USH2A: variants seen among roughly 807,000 people sequenced by gnomAD.
The protein encoded by USH2A is usherin.
Under a neutral mutation model 538.9 loss-of-function variants are expected in USH2A, and 443 were observed. The ratio of observed to expected loss-of-function variants is 0.82; its 90% CI spans 0.76 to 0.89. The LOEUF (loss-of-function observed/expected upper bound fraction) is 0.89, where lower values mean the gene tolerates loss of function less well. USH2A is among the 40% of genes least tolerant of loss of function. USH2A has a pLI of 0.00. For missense variants in USH2A, 6,633 were observed against 6,324.8 expected (o/e 1.05, Z -1.65); for synonymous variants, 2,413 against 2,273.5 (o/e 1.06, Z -1.75).
intron 9 of USH2A, 60 bp downstream of exon 9, chr1:216,321,823 T>C: frequency 7.0e-7 from 1 of 1,432,642 alleles, no homozygotes; most frequent in Non-Finnish European, 9.9e-7. Context: ...GTTCATAGAA[T>C]TTATAGTCAC....
chr1:216,127,221 C>G (rs766421294), intron 21 of USH2A, among the ~76,000 whole-genome samples: 1 of 152,174 alleles, frequency 6.6e-6, no homozygotes, highest in Non-Finnish European at 1.5e-5. Flanking sequence ...AAAATGTAAG[C>G]TATGCTCAAG....
intron 44 of USH2A, among the ~76,000 whole-genome samples, chr1:215,852,631 T>G (rs929890918): frequency 6.6e-6 from 1 of 152,092 alleles, no homozygotes; most frequent in East Asian, 1.9e-4. Flanking sequence ...GCTTGTAAAA[T>G]CAAAAGCAAG....
intron 3 of USH2A, among the ~76,000 whole-genome samples, chr1:216,383,423 C>T (rs1372170661): frequency 1.3e-5 from 2 of 152,088 alleles, no homozygotes; most frequent in East Asian, 1.9e-4. Flanking sequence ...ATCCTTTTAA[C>T]ATCATATAAA....
At chr1:216,023,486 A>C in intron 32 of USH2A, among the ~76,000 whole-genome samples, 2 of 150,370 alleles carry the variant, frequency 1.3e-5, no homozygotes, top group Non-Finnish European at 3.0e-5. Context: ...AAAAAAATCA[A>C]AAAACAAAAG....
At chr1:215,831,526 G>T (rs957363735) in intron 47 of USH2A, among the ~76,000 whole-genome samples, 9 of 151,982 alleles carry the variant, frequency 5.9e-5, no homozygotes, top group African/African-American at 9.7e-5. Context: ...GATCATAATA[G>T]AATTAAACTG....
At chr1:215,776,622 AG>A (rs1450415851) in intron 55 of USH2A, among the ~76,000 whole-genome samples, 3 of 152,172 alleles carry the variant, frequency 2.0e-5, no homozygotes, top group African/African-American at 7.2e-5. Context: ...TGTGTTGCTT[AG>A]GGAATGCCAA....
chr1:215,623,041 G>A lies in USH2A; in HGVS notation c.*2740C>T, dbSNP rs1055650167. The A allele has an allele frequency of 2.0e-5, 3 of 151,914 alleles. No homozygotes were observed. The highest frequency in any genetic ancestry group is 4.4e-5 in the Non-Finnish European group (3 of 67,984). 9.4% of individuals were successfully genotyped at this position (151,914 alleles called of 1,614,324 possible). On this transcript the variant is annotated 3_prime_UTR_variant, in exon 72 of 72. Transcript: ENST00000307340. The stretch of plus-strand genomic sequence containing the variant: ...CTTGGACTATGTTTTATTTACCGGT[G>A]TGTTCATGGATGCCAGCATGATTTT...
At chr1:215,781,908 C>T in intron 54 of USH2A, 134 bp downstream of exon 54, 1 of 1,158,070 alleles carries the variant, frequency 8.6e-7, no homozygotes, top group African/African-American at 1.5e-5. Flanking sequence ...TAACGTGACA[C>T]ATGAACACGC....
At chr1:215,702,787 T>C (rs1240591457) in intron 61 of USH2A, among the ~76,000 whole-genome samples, 1 of 151,948 alleles carries the variant, frequency 6.6e-6, no homozygotes, top group Non-Finnish European at 1.5e-5. Flanking sequence ...GAGTTTGTTA[T>C]TACCTTGCTT....
intron 11 of USH2A, among the ~76,000 whole-genome samples, chr1:216,285,542 G>T (rs1279935644): frequency 1.3e-5 from 2 of 152,330 alleles, no homozygotes; most frequent in South Asian, 2.1e-4. Flanking sequence ...GGAAATGTGG[G>T]GTCAGACCCC....
chr1:215,936,366 A>G (rs1666497685), intron 37 of USH2A, among the ~76,000 whole-genome samples: 1 of 152,104 alleles, frequency 6.6e-6, no homozygotes, highest in Admixed American at 6.6e-5. Context: ...GTAGCAAAGT[A>G]TAGTGCAAAG....
intron 32 of USH2A, among the ~76,000 whole-genome samples, chr1:216,031,319 A>AATGGTTT (rs1490966608): frequency 2.0e-5 from 3 of 152,126 alleles, no homozygotes; most frequent in Admixed American, 6.6e-5. Context: ...CAGCAAGGTT[A>AATGGTTT]ATGGAAATCT....
intron 15 of USH2A, among the ~76,000 whole-genome samples, chr1:216,214,843 G>A (rs1019950466): frequency 6.6e-6 from 1 of 151,950 alleles, no homozygotes; most frequent in East Asian, 1.9e-4. Flanking sequence ...ACAATAAGTG[G>A]CTAATTGTAT....
chr1:216,073,490 A>T (rs2031636413), intron 27 of USH2A, among the ~76,000 whole-genome samples, 190 bp from the exon 28 acceptor site: 1 of 152,216 alleles, frequency 6.6e-6, no homozygotes, highest in Admixed American at 6.5e-5. Context: ...GCAAAGAAAT[A>T]TAGTTCTGTT....
At chr1:215,866,925 C>T in intron 44 of USH2A, 82 bp downstream of exon 44, 1 of 1,581,302 alleles carries the variant, frequency 6.3e-7, no homozygotes, top group South Asian at 1.1e-5. Flanking sequence ...ATGATGTGTA[C>T]ATGGGGGAGG....
chr1:216,160,747 T>G (rs1252203146), intron 21 of USH2A, among the ~76,000 whole-genome samples: 1 of 152,190 alleles, frequency 6.6e-6, no homozygotes, highest in African/African-American at 2.4e-5. Context: ...ATGTCACATG[T>G]TTTATATACA....
At chr1:216,227,506 T>C (rs973525311) in intron 14 of USH2A, among the ~76,000 whole-genome samples, 32 of 151,890 alleles carry the variant, frequency 2.1e-4, no homozygotes, top group Admixed American at 3.3e-4. Flanking sequence ...TGAGTTAAAA[T>C]AAAGGGAGGA....
intron 58 of USH2A, among the ~76,000 whole-genome samples, chr1:215,747,344 C>T (rs886676627): frequency 6.6e-6 from 1 of 152,108 alleles, no homozygotes; most frequent in East Asian, 1.9e-4. Context: ...TAAAAAATAA[C>T]TTTATTTTTC....
intron 41 of USH2A, 30 bp downstream of exon 41, chr1:215,888,396 G>A: frequency 1.2e-6 from 2 of 1,611,246 alleles, no homozygotes; most frequent in Non-Finnish European, 1.7e-6. Context: ...TCCTAAGTCT[G>A]CAAAGGAGAG....
Sources: allele counts gnomAD v4.1 joint callset (sites outside exome capture counted in the v4.1 genomes callset), GRCh38; gene constraint gnomAD v4.1.1; transcripts MANE v1.5; gene names NCBI Gene and HGNC (gene_info 2026-07-23, HGNC 2026-07-21).